The following DNAJC8 variants were observed in gnomAD, a reference collection of about 807,000 sequenced individuals.
DNAJC8 encodes the protein DnaJ heat shock protein family (Hsp40) member C8, also known as dnaJ homolog subfamily C member 8.
In DNAJC8, 24 loss-of-function variants were observed where a neutral mutation model predicts 43.2. The observed-to-expected ratio is 0.56, with a 90% CI of 0.40 to 0.78. DNAJC8 has a LOEUF of 0.78. Among genes scored for constraint, DNAJC8 ranks in the 30% least tolerant of loss-of-function variants. DNAJC8 has a pLI of 0.00. For synonymous variants in DNAJC8, 83 were observed against 98.0 expected, an observed-to-expected ratio of 0.85 and a Z score of 0.90; for missense variants, 207 against 299.4, an observed-to-expected ratio of 0.69 and a Z score of 2.28.
intron 2 of DNAJC8, among the ~76,000 whole-genome samples, chr1:28,218,442 T>C (rs546660896): frequency 3.1e-4 from 47 of 151,478 alleles, no homozygotes; most frequent in Non-Finnish European, 5.7e-4. Context: ...TTTGAGACAG[T>C]GTCTCACTTT....
At chr1:28,232,109 C>T (rs1241837252) in intron 1 of DNAJC8, among the ~76,000 whole-genome samples, 1 of 151,652 alleles carries the variant, frequency 6.6e-6, no homozygotes, top group Non-Finnish European at 1.5e-5. Context: ...CAGGGTCTCA[C>T]TCTCGCCAAA....
Position 28,203,732 on chromosome 1 carries a change from A to G in DNAJC8, c.639+15T>C. 1 of 1,613,894 alleles carries G rather than the reference A, an allele frequency of 6.2e-7. No individual in the cohort carries two copies. The highest frequency in any genetic ancestry group is 8.5e-7 in the Non-Finnish European group (1 of 1,179,888). On this transcript the variant is annotated intron_variant, in intron 8 of 8. Coordinates refer to ENST00000263697, the MANE Select transcript of DNAJC8 (RefSeq NM_014280.3). ...TATTCTGGAATTAGAATCCCTGGCC[A>G]CCTTGGAAATTTACCTCAAAGTTTT...
intron 6 of DNAJC8, 57 bp downstream of exon 6, chr1:28,208,285 A>G: frequency 1.5e-6 from 2 of 1,375,376 alleles, no homozygotes; most frequent in Non-Finnish European, 2.0e-6. Context: ...TCTGTAACCC[A>G]CCAATTCGTA....
chr1:28,201,798 A>G (rs1646735472), intron 8 of DNAJC8, among the ~76,000 whole-genome samples: 2 of 151,148 alleles, frequency 1.3e-5, no homozygotes, highest in South Asian at 4.2e-4. Context: ...TCAAAAAAAA[A>G]AAAAAGAAAA....
chr1:28,214,911 A>G (rs1024034231), intron 3 of DNAJC8, 29 bp downstream of exon 3: 1 of 1,565,854 alleles, frequency 6.4e-7, no homozygotes. Flanking sequence ...ACATTTTCAA[A>G]AAGTTCAAAC....
intron 2 of DNAJC8, among the ~76,000 whole-genome samples, chr1:28,227,104 C>CTTTTTTTTTTT (rs375175168): frequency 1.1e-5 from 1 of 95,144 alleles, no homozygotes; most frequent in African/African-American, 3.9e-5. Context: ...CTCTCTCTCT[C>CTTTTTTTTTTT]TTTTTTTTTT....
At chr1:28,226,409 A>G (rs1646935115) in intron 2 of DNAJC8, among the ~76,000 whole-genome samples, 1 of 151,376 alleles carries the variant, frequency 6.6e-6, no homozygotes, top group Non-Finnish European at 1.5e-5. Context: ...AGGCTGAGGC[A>G]GAAGAATCGC....
chr1:28,224,905 G>A (rs1379611686), intron 2 of DNAJC8, among the ~76,000 whole-genome samples: 1 of 144,074 alleles, frequency 6.9e-6, no homozygotes, highest in African/African-American at 2.5e-5. Context: ...ACAAACCAAA[G>A]AGCCAAACAC....
intron 2 of DNAJC8, among the ~76,000 whole-genome samples, chr1:28,224,962 A>T (rs1317844529): frequency 6.6e-6 from 1 of 150,516 alleles, no homozygotes; most frequent in Non-Finnish European, 1.5e-5. Flanking sequence ...CTGAGGTAGG[A>T]GGATCAATTG....
At chr1:28,218,558 A>C (rs1195849167) in intron 2 of DNAJC8, among the ~76,000 whole-genome samples, 1 of 151,910 alleles carries the variant, frequency 6.6e-6, no homozygotes, top group Non-Finnish European at 1.5e-5. Context: ...CTAGGACTGT[A>C]AGTGCGTGGA....
intron 2 of DNAJC8, among the ~76,000 whole-genome samples, chr1:28,225,733 C>T (rs1193257282): frequency 2.1e-5 from 3 of 143,790 alleles, no homozygotes; most frequent in African/African-American, 5.2e-5. Context: ...GAGACAGTCT[C>T]GTTCTGTCGC....
chr1:28,231,441 C>A (rs1418569506), intron 1 of DNAJC8, among the ~76,000 whole-genome samples: 2 of 152,128 alleles, frequency 1.3e-5, no homozygotes, highest in African/African-American at 2.4e-5. Flanking sequence ...CCCGGCCAGG[C>A]GTGGTGGCTC....
chr1:28,229,536 G>A (rs1646959560), intron 1 of DNAJC8, among the ~76,000 whole-genome samples: 1 of 152,190 alleles, frequency 6.6e-6, no homozygotes. Context: ...CACTTTGGGA[G>A]GCTGGGGGGT....
intron 5 of DNAJC8, 36 bp from the exon 6 acceptor site, chr1:28,208,449 C>A: frequency 3.3e-6 from 5 of 1,515,254 alleles, no homozygotes; most frequent in Non-Finnish European, 4.5e-6. Flanking sequence ...AGACGAGCAT[C>A]TGTGCTTTGA....
At chr1:28,229,857 T>C (rs1432837379) in intron 1 of DNAJC8, among the ~76,000 whole-genome samples, 4 of 149,570 alleles carry the variant, frequency 2.7e-5, no homozygotes, top group Admixed American at 2.7e-4. Context: ...AAAGGAAAAA[T>C]ACAATCACAG....
intron 2 of DNAJC8, among the ~76,000 whole-genome samples, chr1:28,225,361 GATT>G (rs1214641381): frequency 2.6e-5 from 4 of 151,314 alleles, no homozygotes; most frequent in Admixed American, 6.6e-5. Flanking sequence ...GTTAATCTGA[GATT>G]ATTTATAAAT....
intron 2 of DNAJC8, among the ~76,000 whole-genome samples, chr1:28,217,123 T>A (rs541476817): frequency 1.2e-4 from 18 of 151,982 alleles, no homozygotes; most frequent in African/African-American, 4.3e-4. Flanking sequence ...CAACACTTCT[T>A]TAAACAAATA....
intron 6 of DNAJC8, among the ~76,000 whole-genome samples, chr1:28,205,614 G>A (rs116703334): frequency 0.016 from 2,508 of 152,254 alleles, 31 homozygotes; most frequent in Non-Finnish European, 0.022. Context: ...CAGGCCAGGC[G>A]CAGTAGCTCA....
rs1289401174 is a variant in DNAJC8 at position 28,210,546 on chromosome 1, C to T, written c.304+25G>A. The T allele has an allele frequency of 2.5e-6, 4 of 1,604,766 alleles. No individual in the cohort carries two copies. The East Asian group carries it at 6.7e-5, about 27-fold the overall frequency. On this transcript the variant is annotated intron_variant, in intron 4 of 8. Transcript: ENST00000263697. ...GCCCTGCCATTCACAATCTAATACT[C>T]AGAAGCAGGTAAATTTACAAATACC...
Sources: gnomAD v4.1 joint callset for allele counts (sites outside exome capture counted in the v4.1 genomes callset) on GRCh38, gnomAD v4.1.1 for gene constraint, MANE v1.5 for transcripts, NCBI Gene and HGNC (gene_info 2026-07-23, HGNC 2026-07-21) for gene names.